ZC3H14: variants seen among roughly 807,000 people sequenced by gnomAD.
ZC3H14 encodes zinc finger CCCH domain-containing protein 14.
ZC3H14 carries 31 observed loss-of-function variants against 92.4 expected under a neutral mutation model. The ratio of observed to expected loss-of-function variants is 0.34; its 90% CI spans 0.25 to 0.45. The LOEUF (loss-of-function observed/expected upper bound fraction) is 0.45. ZC3H14 is among the 20% of genes least tolerant of loss of function. ZC3H14 has a pLI of 1.00. For missense variants in ZC3H14, 781 were observed against 897.3 expected, an observed-to-expected ratio of 0.87 and a Z score of 1.66; for synonymous variants, 321 against 300.9, an observed-to-expected ratio of 1.07 and a Z score of -0.69.
Position 88,625,160 on chromosome 14 carries a change from C to G in ZC3H14, c.*13409C>G, listed in dbSNP as rs2089725682. ...GGAGTGGGGGAGGGGGAGACAAACT[C>G]ATCAAAAGTTCAAATAGAGTTTAAA... On this transcript the variant is annotated 3_prime_UTR_variant, in exon 17 of 17. Coordinates refer to ENST00000251038, the MANE Select transcript of ZC3H14 (RefSeq NM_024824.5). The G allele has an allele frequency of 3.1e-6, 5 of 1,609,144 alleles. No individual in the cohort carries two copies. In the South Asian group the frequency reaches 5.5e-5, roughly 18 times the overall value.
chr14:88,594,857 G>A, intron 9 of ZC3H14: 1 of 1,613,938 alleles, frequency 6.2e-7, no homozygotes, highest in South Asian at 1.1e-5. Flanking sequence ...CACCTTTTAA[G>A]GAAAATATCA....
At chr14:88,571,234 T>A in intron 4 of ZC3H14, 110 bp downstream of exon 4, 1 of 909,224 alleles carries the variant, frequency 1.1e-6, no homozygotes, top group South Asian at 2.0e-5. Flanking sequence ...AAACGGTTCA[T>A]TTGAACTTTT....
chr14:88,565,477 C>T (rs1345724964), intron 2 of ZC3H14, among the ~76,000 whole-genome samples: 2 of 152,134 alleles, frequency 1.3e-5, no homozygotes, highest in African/African-American at 4.8e-5. Flanking sequence ...TTATTTTATA[C>T]TGCATAATGA....
intron 8 of ZC3H14, among the ~76,000 whole-genome samples, chr14:88,577,674 A>G (rs768014829): frequency 1.9e-4 from 29 of 152,036 alleles, no homozygotes; most frequent in Non-Finnish European, 2.6e-4. Flanking sequence ...GGTTTAAGCA[A>G]TTCTCCTGCC....
rs1293222814 is a variant in ZC3H14, at chr14:88,612,741, A to C, written c.*990A>C. 2.0e-5 allele frequency: 3 copies of C among 152,646 alleles called. No homozygotes were observed. The highest frequency in any genetic ancestry group is 4.4e-5 in the Non-Finnish European group (3 of 68,046). The allele number at this position is 152,646 out of a possible 1,614,324, so 9.5% of individuals were successfully genotyped here. ...AGATCAGATCAGATAGGTAAACTGC[A>C]AGATAGATAGGATGAAACTTTTGGC... On this transcript the variant is annotated 3_prime_UTR_variant, in exon 17 of 17. Transcript: ENST00000251038.
chr14:88,618,419 A>T lies in ZC3H14; in HGVS notation c.*6668A>T. ...GTTTACAGAATACTAGCATATTGCT[A>T]CTTGATTTACATGTCTAACATTATT... On this transcript the variant is annotated 3_prime_UTR_variant, in exon 17 of 17. Transcript: ENST00000251038. The T allele has an allele frequency of 8.3e-7, 1 of 1,210,876 alleles. No individual in the cohort carries two copies. Among genetic ancestry groups the T allele is most frequent in the South Asian group, 1.3e-5 (1 of 77,676 alleles). The allele number at this position is 1,210,876 out of a possible 1,614,324, so 75.0% of individuals were successfully genotyped here.
chr14:88,592,316 A>G (rs1008040986), intron 9 of ZC3H14: 1 of 152,152 alleles, frequency 6.6e-6, no homozygotes, highest in Non-Finnish European at 1.5e-5. Context: ...CTGTGAATCC[A>G]AAGCCTTGAA....
chr14:88,577,746 T>C lies in ZC3H14; in HGVS notation c.1124-239T>C, dbSNP rs140807741. ...CACTATGCCCGGCTAGTGTTTGTAT[T>C]TTTAGTAGAAACGAGGTTTTACCAT... On this transcript the variant is annotated intron_variant, in intron 8 of 16. Coordinates refer to ENST00000251038, the MANE Select transcript of ZC3H14 (RefSeq NM_024824.5). Among the ~76,000 whole-genome samples, 160 of 152,148 alleles carry C rather than the reference T, an allele frequency of 1.1e-3. 2 individuals are homozygous for C. The East Asian group carries it at 0.023, about 22-fold the overall frequency.
intron 12 of ZC3H14, 55 bp from the exon 13 acceptor site, chr14:88,607,188 G>A: frequency 6.2e-7 from 1 of 1,612,984 alleles, no homozygotes; most frequent in Non-Finnish European, 8.5e-7. Flanking sequence ...TAAAGGTGCT[G>A]TGTACTGAAT....
Position 88,624,934 on chromosome 14 carries a change from A to G in ZC3H14, c.*13183A>G, listed in dbSNP as rs755141186. On this transcript the variant is annotated 3_prime_UTR_variant, in exon 17 of 17. Transcript: ENST00000251038. ...ACTGCAAACCTCAGGTAGGTCACAAATGCATAAATATTCTGTGAAAAGAAA... is the reference window on the plus strand; with the variant it reads ...ACTGCAAACCTCAGGTAGGTCACAAGTGCATAAATATTCTGTGAAAAGAAA... 1.9e-6 allele frequency: 3 copies of G among 1,607,924 alleles called. No individual in the cohort carries two copies. The highest frequency in any genetic ancestry group is 2.2e-5 in the East Asian group (1 of 44,776).
chr14:88,610,451 C>CT (rs1203348487), intron 15 of ZC3H14, among the ~76,000 whole-genome samples: 7 of 152,044 alleles, frequency 4.6e-5, no homozygotes, highest in Admixed American at 3.9e-4. Flanking sequence ...TAAAATGGTC[C>CT]TTATAGATGG....
chr14:88,573,029 C>A, intron 6 of ZC3H14, 22 bp downstream of exon 6: 1 of 1,612,436 alleles, frequency 6.2e-7, no homozygotes, highest in South Asian at 1.1e-5. Context: ...CTTTTAAATT[C>A]TGGCTTAGGC....
intron 2 of ZC3H14, 76 bp from the exon 3 acceptor site, chr14:88,567,963 A>C (rs772829034): frequency 8.5e-7 from 1 of 1,177,142 alleles, no homozygotes; most frequent in South Asian, 1.3e-5. Context: ...AGCTACATCT[A>C]TATTTTCAAG....
At chr14:88,593,500 A>T (rs1048700916) in intron 9 of ZC3H14, among the ~76,000 whole-genome samples, 2 of 152,188 alleles carry the variant, frequency 1.3e-5, no homozygotes, top group Non-Finnish European at 2.9e-5. Context: ...AGTAATGAAG[A>T]CTGTGTGGTA....
intron 11 of ZC3H14, 93 bp downstream of exon 11, chr14:88,602,176 C>T: frequency 6.4e-7 from 1 of 1,561,724 alleles, no homozygotes; most frequent in Non-Finnish European, 8.8e-7. Context: ...CCCGCCCTAA[C>T]CGCTAGCGTA....
chr14:88,615,708 C>T lies in ZC3H14; in HGVS notation c.*3957C>T. The T allele has an allele frequency of 1.0e-6, 1 of 965,426 alleles. No individual in the cohort carries two copies. Among genetic ancestry groups the T allele is most frequent in the Non-Finnish European group, 1.6e-6 (1 of 642,962 alleles). The allele number at this position is 965,426 out of a possible 1,614,324, so 59.8% of individuals were successfully genotyped here. A position where few individuals can be genotyped will look rare whatever the true frequency, so the allele number is the denominator to read the frequency against. On this transcript the variant is annotated 3_prime_UTR_variant, in exon 17 of 17. Transcript: ENST00000251038. The stretch of plus-strand genomic sequence containing the variant: ...ATTTTGATGATTCTGGGCATTTCTC[C>T]CTGTTACAGTCTTGGGTTAGCACCA...
At chr14:88,592,260 A>C (rs537289283) in intron 9 of ZC3H14, 8 of 152,204 alleles carry the variant, frequency 5.3e-5, no homozygotes, top group Admixed American at 5.2e-4. Flanking sequence ...TGCTGTTAAC[A>C]GTTACTATGG....
chr14:88,595,222 AT>A, intron 9 of ZC3H14: 1 of 1,531,948 alleles, frequency 6.5e-7, no homozygotes, highest in Non-Finnish European at 8.7e-7. Context: ...GAGAACTTGA[AT>A]TTTTCATGGA....
rs912190035 is a variant in ZC3H14, at chr14:88,610,847, A to C, written c.2111A>C (p.Asn704Thr). ...ATCTCTATTCAGCATTGTAGGTTTAACACTCAATGTACAAGACCGGACTGC... is the reference window on the plus strand; with the variant it reads ...ATCTCTATTCAGCATTGTAGGTTTACCACTCAATGTACAAGACCGGACTGC... ...PFYHPKHCRF[N>T]TQCTRPDCTF... The change falls in exon 16 of 17, where the codon AAC (asparagine) becomes ACC (threonine). Residue 704 changes from asparagine (N) to threonine (T), a missense_variant. Transcript: ENST00000251038. 6.2e-7 allele frequency: 1 copy of C among 1,614,050 alleles called. No homozygotes were observed. Among genetic ancestry groups the C allele is most frequent in the Non-Finnish European group, 8.5e-7 (1 of 1,179,940 alleles).
Sources: allele counts gnomAD v4.1 joint callset (sites outside exome capture counted in the v4.1 genomes callset), GRCh38; gene constraint gnomAD v4.1.1; transcripts MANE v1.5; gene names NCBI Gene and HGNC (gene_info 2026-07-23, HGNC 2026-07-21).